Variants in CALCRL observed in about 807,000 individuals in gnomAD.
CALCRL encodes the protein calcitonin receptor like receptor.
Under a neutral mutation model 60.4 loss-of-function variants are expected in CALCRL, and 27 were observed. The observed-to-expected ratio is 0.45, with a 90% CI of 0.33 to 0.62. CALCRL has a LOEUF of 0.62. Among genes scored for constraint, CALCRL ranks in the 20% least tolerant of loss-of-function variants. The pLI, the probability that CALCRL is intolerant of heterozygous loss-of-function variation, is 0.03. For synonymous variants in CALCRL, 190 were observed against 182.6 expected (o/e 1.04, Z -0.33); for missense variants, 424 against 540.7 (o/e 0.78, Z 2.14).
At chr2:187,396,173 A>G (rs1205928641) in intron 1 of CALCRL, among the ~76,000 whole-genome samples, 2 of 84,656 alleles carry the variant, frequency 2.4e-5, no homozygotes, top group Non-Finnish European at 5.3e-5. Flanking sequence ...AAACATATCT[A>G]GGCCAAAAAA....
rs372466037 is a variant in CALCRL at position 187,346,892 on chromosome 2, T to A, written c.1171-493A>T. ...GCAGCAACCTTTGTTTCTGAGTGAC[T>A]CCCATATGCCAGAAATTGTGCTACA... On this transcript the variant is annotated intron_variant, in intron 14 of 14. Transcript: ENST00000392370. 2.0e-3 allele frequency among the ~76,000 whole-genome samples: 304 copies of A among 151,844 alleles called. 2 individuals are homozygous for A. Among genetic ancestry groups the A allele is most frequent in the African/African-American group, 6.9e-3 (288 of 41,486 alleles).
At chr2:187,357,154 T>C (rs546663632) in intron 12 of CALCRL, among the ~76,000 whole-genome samples, 1 of 152,280 alleles carries the variant, frequency 6.6e-6, no homozygotes, top group Non-Finnish European at 1.5e-5. Flanking sequence ...CATTACTGGG[T>C]ATATACCCAA....
At chr2:187,358,992 C>T in intron 12 of CALCRL, 71 bp downstream of exon 12, 1 of 1,242,898 alleles carries the variant, frequency 8.0e-7, no homozygotes, top group South Asian at 1.2e-5. Context: ...TGAAGGATAC[C>T]ATAGGCCAGA....
At position 187,342,505 on chromosome 2, in the gene CALCRL, A is replaced by C. The variant is rs1574194452; in HGVS notation, c.*3679T>G. ...TATATTGTAATTAACACTCTCATGT[A>C]CCTATCTCAACAATAGGCCAAACCT... On this transcript the variant is annotated 3_prime_UTR_variant, in exon 15 of 15. Coordinates refer to ENST00000392370, the MANE Select transcript of CALCRL (RefSeq NM_005795.6). Among the ~76,000 whole-genome samples the C allele has an allele frequency of 1.3e-5, 2 of 151,680 alleles. No individual in the cohort carries two copies. The highest frequency in any genetic ancestry group is 3.8e-4 in the East Asian group (2 of 5,196).
intron 14 of CALCRL, among the ~76,000 whole-genome samples, chr2:187,346,787 A>C (rs897988250): frequency 6.6e-6 from 1 of 151,848 alleles, no homozygotes; most frequent in African/African-American, 2.4e-5. Flanking sequence ...AATTCGTGAC[A>C]GGATAAGCGA....
At chr2:187,406,320 A>G (rs1444151025) in intron 1 of CALCRL, among the ~76,000 whole-genome samples, 1 of 152,048 alleles carries the variant, frequency 6.6e-6, no homozygotes, top group African/African-American at 2.4e-5. Flanking sequence ...TTTTAACTCT[A>G]TTTTATAAAA....
At chr2:187,424,006 T>C (rs764397202) in intron 1 of CALCRL, among the ~76,000 whole-genome samples, 1 of 152,068 alleles carries the variant, frequency 6.6e-6, no homozygotes, top group African/African-American at 2.4e-5. Context: ...ACAATGGGAA[T>C]CGCTGGTTAG....
At chr2:187,445,550 G>A (rs1483338319) in intron 1 of CALCRL, among the ~76,000 whole-genome samples, 1 of 151,278 alleles carries the variant, frequency 6.6e-6, no homozygotes, top group African/African-American at 2.4e-5. Context: ...GATAAAATTG[G>A]TAGCAAAATA....
rs1382675270 is a variant in CALCRL at position 187,373,453 on chromosome 2, T to TA, written c.500+5486dup. Among the ~76,000 whole-genome samples, 9 of 152,332 alleles carry TA rather than the reference T, an allele frequency of 5.9e-5. No homozygotes were observed. The East Asian group carries it at 1.7e-3, about 29-fold the overall frequency. On this transcript the variant is annotated intron_variant, in intron 8 of 14. Transcript: ENST00000392370. ...CTAACATAATTATTAATTTTGTTTA[T>TA]AAAAATGTTCATTCAATGTTTACTT...
chr2:187,434,930 C>T (rs1195013767), intron 1 of CALCRL, among the ~76,000 whole-genome samples: 2 of 151,988 alleles, frequency 1.3e-5, no homozygotes, highest in African/African-American at 4.8e-5. Context: ...GCCCAGAAAC[C>T]ATATGTGGTA....
chr2:187,379,604 T>C (rs1030414564), intron 7 of CALCRL, among the ~76,000 whole-genome samples: 2 of 152,134 alleles, frequency 1.3e-5, no homozygotes, highest in Admixed American at 1.3e-4. Context: ...TACCACTTTA[T>C]TGTGTATTTG....
chr2:187,444,523 A>G (rs1279332888), intron 1 of CALCRL, among the ~76,000 whole-genome samples: 1 of 151,606 alleles, frequency 6.6e-6, no homozygotes, highest in Non-Finnish European at 1.5e-5. Context: ...CATTTTTGCA[A>G]ACAATAATAT....
intron 1 of CALCRL, among the ~76,000 whole-genome samples, chr2:187,413,863 T>C (rs1689471389): frequency 6.6e-6 from 1 of 152,152 alleles, no homozygotes; most frequent in Non-Finnish European, 1.5e-5. Flanking sequence ...TGGACATTGA[T>C]TGAGGCTGTA....
intron 8 of CALCRL, among the ~76,000 whole-genome samples, chr2:187,375,141 G>A (rs1285578142): frequency 2.6e-5 from 4 of 151,176 alleles, no homozygotes; most frequent in South Asian, 2.1e-4. Context: ...GCGCGGTGGC[G>A]GGCGCCTGTA....
At chr2:187,396,493 T>A (rs115092081) in intron 1 of CALCRL, among the ~76,000 whole-genome samples, 1,963 of 151,938 alleles carry the variant, frequency 0.013, 45 homozygotes, top group African/African-American at 0.044. Flanking sequence ...AGTTTTTATC[T>A]TCTTTGCATT....
At position 187,363,300 on chromosome 2, in the gene CALCRL, C is replaced by T. The variant is rs540588175; in HGVS notation, c.627+76G>A. 4 of 1,398,298 alleles carry T rather than the reference C, an allele frequency of 2.9e-6. No homozygotes were observed. In the South Asian group the frequency reaches 4.1e-5, roughly 15 times the overall value. The allele number at this position is 1,398,298 out of a possible 1,614,324, so 86.6% of individuals were successfully genotyped here. A position where few individuals can be genotyped will look rare whatever the true frequency, so the allele number is the denominator to read the frequency against. On this transcript the variant is annotated intron_variant, in intron 9 of 14. Transcript: ENST00000392370. ...ACATATATGTGTACTTAATTATACA[C>T]ATTATGCATATATCAGCCATGTTCC...
chr2:187,380,965 A>G (rs1363004349), intron 5 of CALCRL, among the ~76,000 whole-genome samples, 178 bp from the exon 6 acceptor site: 1 of 151,884 alleles, frequency 6.6e-6, no homozygotes, highest in African/African-American at 2.4e-5. Flanking sequence ...TATTATAATA[A>G]TTTCTCAATT....
chr2:187,361,540 G>T (rs559819913), intron 9 of CALCRL, among the ~76,000 whole-genome samples: 5 of 151,952 alleles, frequency 3.3e-5, no homozygotes, highest in Non-Finnish European at 2.9e-5. Context: ...CATTATTTTT[G>T]AAATAGTTTT....
At chr2:187,359,358 A>T in intron 10 of CALCRL, 86 bp from the exon 11 acceptor site, 1 of 989,702 alleles carries the variant, frequency 1.0e-6, no homozygotes, top group Non-Finnish European at 1.5e-6. Flanking sequence ...ACAAAAATTC[A>T]AAGATACTCT....
Sources: allele counts gnomAD v4.1 joint callset (sites outside exome capture counted in the v4.1 genomes callset), GRCh38; gene constraint gnomAD v4.1.1; transcripts MANE v1.5; gene names NCBI Gene and HGNC (gene_info 2026-07-23, HGNC 2026-07-21).